Variants in RAD54L2 observed in about 807,000 individuals in gnomAD.
RAD54L2 encodes the protein helicase ARIP4.
In RAD54L2, 27 loss-of-function variants were observed where a neutral mutation model predicts 138.4. The ratio of observed to expected loss-of-function variants is 0.20; its 90% CI spans 0.14 to 0.27. The LOEUF is 0.27. RAD54L2 is among the 10% of genes least tolerant of loss of function. The pLI is 1.00. For synonymous variants in RAD54L2, 644 were observed against 723.2 expected, an observed-to-expected ratio of 0.89 and a Z score of 1.76; for missense variants, 1,396 against 1,890.2, an observed-to-expected ratio of 0.74 and a Z score of 4.85.
rs1264131804 is a variant in RAD54L2, at chr3:51,628,796, A to T, written c.342-538A>T. Among the ~76,000 whole-genome samples, 3 of 151,436 alleles carry T rather than the reference A, an allele frequency of 2.0e-5. No homozygotes were observed. The East Asian group carries it at 5.8e-4, about 29-fold the overall frequency. ...AGTGGTGCAGTCTTGGCTCATTGCA[A>T]CCTCTGCCTCCCAGGTTCAAGCGAT... On this transcript the variant is annotated intron_variant, in intron 4 of 22. Coordinates refer to ENST00000684192, the MANE Select transcript of RAD54L2 (RefSeq NM_015106.4).
At chr3:51,616,280 C>G (rs923101843) in intron 3 of RAD54L2, among the ~76,000 whole-genome samples, 1 of 152,068 alleles carries the variant, frequency 6.6e-6, no homozygotes, top group African/African-American at 2.4e-5. Flanking sequence ...TCCTCTCTTC[C>G]CTACCCTTCC....
At chr3:51,559,888 A>T in intron 2 of RAD54L2, among the ~76,000 whole-genome samples, 1 of 152,192 alleles carries the variant, frequency 6.6e-6, no homozygotes, top group East Asian at 1.9e-4. Flanking sequence ...TGGGCTACAG[A>T]TATGATAAGG....
rs1645926710 is a variant in RAD54L2 at position 51,629,450 on chromosome 3, C to T, written c.458C>T (p.Thr153Ile). 1 of 1,612,628 alleles carries T rather than the reference C, an allele frequency of 6.2e-7. No homozygotes were observed. Among genetic ancestry groups the T allele is most frequent in the Admixed American group, 1.7e-5 (1 of 59,852 alleles). Reference protein sequence around the residue: ...QRKDYAAPIPTVPLEFLPEEI... With the variant: ...QRKDYAAPIPIVPLEFLPEEI... ...AAAGATTATGCAGCCCCTATTCCTA[C>T]TGTTCCGCTGGAGTTCCTCCCTGGT... The change falls in exon 5 of 23, where the codon ACT becomes ATT. Residue 153 changes from threonine (T) to isoleucine (I), a missense_variant. This residue lies in a region of RAD54L2 where 256 missense variants were observed against 344.6 expected (regional missense o/e 0.74). Transcript: ENST00000684192.
intron 19 of RAD54L2, among the ~76,000 whole-genome samples, chr3:51,655,041 T>C (rs1020892093): frequency 3.9e-5 from 6 of 152,132 alleles, no homozygotes; most frequent in African/African-American, 1.4e-4. Context: ...ATCTGGGAAC[T>C]TGGAGGTCCA....
At chr3:51,573,298 A>G (rs1366844721) in intron 2 of RAD54L2, among the ~76,000 whole-genome samples, 3 of 152,166 alleles carry the variant, frequency 2.0e-5, no homozygotes, top group Non-Finnish European at 4.4e-5. Flanking sequence ...GCTCAGAGGA[A>G]GAAGGAAAGA....
chr3:51,615,926 TTTC>T (rs1327556174), intron 3 of RAD54L2, among the ~76,000 whole-genome samples: 17 of 152,324 alleles, frequency 1.1e-4, no homozygotes, highest in Admixed American at 3.9e-4. Flanking sequence ...TGCTTTTTGT[TTTC>T]TTCCTACTAC....
chr3:51,653,539 C>T (rs1487708357), intron 19 of RAD54L2, among the ~76,000 whole-genome samples: 1 of 152,180 alleles, frequency 6.6e-6, no homozygotes, highest in African/African-American at 2.4e-5. Context: ...CCCAGATGTC[C>T]ATCAATGATA....
chr3:51,582,842 T>C (rs953936608), intron 2 of RAD54L2, among the ~76,000 whole-genome samples: 12 of 151,512 alleles, frequency 7.9e-5, no homozygotes, highest in African/African-American at 2.9e-4. Context: ...CTCGGCTCAC[T>C]GCAAGCTCTG....
At chr3:51,631,500 C>CCAGCCAATTT (rs1700841502) in intron 7 of RAD54L2, among the ~76,000 whole-genome samples, 1 of 151,200 alleles carries the variant, frequency 6.6e-6, no homozygotes, top group Admixed American at 6.6e-5. Context: ...ACCACCACAC[C>CCAGCCAATTT]CAGCCAATTT....
At chr3:51,661,451 C>T (rs928180897) in intron 22 of RAD54L2, among the ~76,000 whole-genome samples, 3 of 152,338 alleles carry the variant, frequency 2.0e-5, no homozygotes, top group South Asian at 2.1e-4. Context: ...GATTATTTTA[C>T]TCCACCATCA....
At chr3:51,644,386 A>G (rs141019502) in intron 16 of RAD54L2, among the ~76,000 whole-genome samples, 1 of 152,298 alleles carries the variant, frequency 6.6e-6, no homozygotes, top group Non-Finnish European at 1.5e-5. Flanking sequence ...TCGAAGCTGC[A>G]GTGAGCTGTG....
chr3:51,639,387 C>CTG, intron 12 of RAD54L2, 32 bp from the exon 13 acceptor site: 2 of 1,606,770 alleles, frequency 1.2e-6, no homozygotes, highest in Non-Finnish European at 1.7e-6. Context: ...GTTTTTTGTC[C>CTG]TGTGTCTCCT....
intron 3 of RAD54L2, among the ~76,000 whole-genome samples, chr3:51,595,884 G>C (rs1699947361): frequency 6.6e-6 from 1 of 150,776 alleles, no homozygotes; most frequent in African/African-American, 2.4e-5. Flanking sequence ...GATACCTCTG[G>C]GATTGGCTTT....
chr3:51,659,436 G>C (rs2106853484), intron 21 of RAD54L2, among the ~76,000 whole-genome samples: 1 of 152,282 alleles, frequency 6.6e-6, no homozygotes, highest in South Asian at 2.1e-4. Context: ...AAAAAAGTTT[G>C]CTAACTCCTG....
At chr3:51,643,485 TC>T (rs1464444232) in intron 15 of RAD54L2, among the ~76,000 whole-genome samples, 2 of 152,214 alleles carry the variant, frequency 1.3e-5, no homozygotes, top group Non-Finnish European at 2.9e-5. Flanking sequence ...TGGAGGAACA[TC>T]ATCCATATCA....
intron 2 of RAD54L2, among the ~76,000 whole-genome samples, chr3:51,574,685 A>C (rs1699424043): frequency 6.6e-6 from 1 of 151,940 alleles, no homozygotes; most frequent in Non-Finnish European, 1.5e-5. Flanking sequence ...CCACTTTTTG[A>C]TGGGGTTGTT....
chr3:51,566,812 T>A (rs376452130), intron 2 of RAD54L2, among the ~76,000 whole-genome samples: 1 of 152,098 alleles, frequency 6.6e-6, no homozygotes, highest in African/African-American at 2.4e-5. Context: ...GATGTATCAT[T>A]TGCCTAGGAC....
intron 2 of RAD54L2, among the ~76,000 whole-genome samples, chr3:51,559,176 C>T (rs991392399): frequency 1.2e-4 from 19 of 152,288 alleles, no homozygotes; most frequent in African/African-American, 3.6e-4. Context: ...GCGTGAACCA[C>T]TGCGCCTGGC....
rs113343485 is a variant in RAD54L2, at chr3:51,646,356, A to G, written c.2901A>G (p.Ala967=). ...AGCTAACCAAGGCTGAGAAAAAAGCAGCAAAGAAAAGCTATGAGGAAGACA... is the reference window on the plus strand; with the variant it reads ...AGCTAACCAAGGCTGAGAAAAAAGCGGCAAAGAAAAGCTATGAGGAAGACA... ...DHKLTKAEKK[A]AKKSYEEDKR... Residue 967 remains alanine (A), a synonymous_variant, in exon 19 of 23, where the codon GCA becomes GCG. Coordinates refer to ENST00000684192, the MANE Select transcript of RAD54L2 (RefSeq NM_015106.4). 1 of 1,612,440 alleles carries G rather than the reference A, an allele frequency of 6.2e-7. No individual in the cohort carries two copies. Among genetic ancestry groups the G allele is most frequent in the South Asian group, 1.1e-5 (1 of 90,646 alleles).
Sources: allele counts gnomAD v4.1 joint callset (sites outside exome capture counted in the v4.1 genomes callset), GRCh38; gene constraint gnomAD v4.1.1; regional missense constraint gnomAD v4.1.1; transcripts MANE v1.5; gene names NCBI Gene and HGNC (gene_info 2026-07-23, HGNC 2026-07-21).